Variants in MON2 observed in about 807,000 individuals in gnomAD.
MON2 encodes protein MON2 homolog.
MON2 carries 84 observed loss-of-function variants against 208.6 expected under a neutral mutation model. The observed-to-expected ratio is 0.40, with a 90% CI of 0.34 to 0.48. The LOEUF is 0.48. Among genes scored for constraint, MON2 ranks in the 20% least tolerant of loss-of-function variants. The pLI is 0.59. For missense variants in MON2, 1,611 were observed against 2,015.4 expected (o/e 0.80, Z 3.84); for synonymous variants, 660 against 694.0 (o/e 0.95, Z 0.77).
rs1202955950 is a variant in MON2 at position 62,600,120 on chromosome 12, T to G, written c.*7371T>G. On this transcript the variant is annotated 3_prime_UTR_variant, in exon 35 of 35. Transcript: ENST00000393630. ...ATTAACCTGTTTTGGTGTCCTCCTCTGTGAAATGGAGTTAATCGTGGTATT... is the reference window on the plus strand; with the variant it reads ...ATTAACCTGTTTTGGTGTCCTCCTCGGTGAAATGGAGTTAATCGTGGTATT... 6.6e-6 allele frequency: 1 copy of G among 152,224 alleles called. No homozygotes were observed. Among genetic ancestry groups the G allele is most frequent in the African/African-American group, 2.4e-5 (1 of 41,466 alleles). The allele number at this position is 152,224 out of a possible 1,614,324, so 9.4% of individuals were successfully genotyped here.
chr12:62,514,160 A>G (rs923969872), intron 8 of MON2, among the ~76,000 whole-genome samples: 3 of 152,190 alleles, frequency 2.0e-5, no homozygotes, highest in East Asian at 3.9e-4. Context: ...TTCATTTTCC[A>G]TGTCCTTATC....
intron 20 of MON2, 116 bp from the exon 21 acceptor site, chr12:62,544,782 C>A (rs2073409052): frequency 6.5e-7 from 1 of 1,539,998 alleles, no homozygotes; most frequent in Admixed American, 2.0e-5. Flanking sequence ...AGCTAACTTA[C>A]ATTTTGGGTG....
In MON2 at chr12:62,592,687, C is replaced by T. The variant is rs752059902; in HGVS notation, c.5092C>T (p.Leu1698=). The T allele has an allele frequency of 6.2e-7, 1 of 1,609,962 alleles. No individual in the cohort carries two copies. Among genetic ancestry groups the T allele is most frequent in the Non-Finnish European group, 8.5e-7 (1 of 1,177,078 alleles). ...SEVCSALKEA[L]VPFKDFMQPP... is the part of the protein sequence containing the mutation. ...AGTCTGTTCTGCACTTAAAGAGGCA[C>T]TAGTTCCTTTTAAGGATTTCATGCA... The change falls in exon 35 of 35, where the codon CTA becomes TTA. Residue 1698 remains leucine, a synonymous_variant. Transcript: ENST00000393630.
chr12:62,508,215 A>G (rs755832238), intron 7 of MON2, 71 bp from the exon 8 acceptor site: 8 of 1,173,336 alleles, frequency 6.8e-6, no homozygotes, highest in Non-Finnish European at 9.8e-6. Flanking sequence ...TCCTAGTGAG[A>G]CTGTGTTTTT....
chr12:62,542,796 T>C (rs941341031), intron 19 of MON2, among the ~76,000 whole-genome samples: 3 of 152,196 alleles, frequency 2.0e-5, no homozygotes, highest in Non-Finnish European at 4.4e-5. Context: ...AGAATGCTTC[T>C]TTCCTTCTGG....
At chr12:62,520,306 A>G (rs146557885) in intron 8 of MON2, among the ~76,000 whole-genome samples, 4 of 152,328 alleles carry the variant, frequency 2.6e-5, no homozygotes, top group South Asian at 2.1e-4. Flanking sequence ...TCACCACCAT[A>G]TATCAGAAGA....
At chr12:62,484,091 C>G in intron 1 of MON2, 79 bp from the exon 2 acceptor site, 1 of 1,018,526 alleles carries the variant, frequency 9.8e-7, no homozygotes, top group East Asian at 2.4e-5. Context: ...GATATTTTGT[C>G]TATCACATAT....
At chr12:62,583,033 C>G (rs2075059274) in intron 32 of MON2, among the ~76,000 whole-genome samples, 1 of 151,998 alleles carries the variant, frequency 6.6e-6, no homozygotes, top group South Asian at 2.1e-4. Context: ...ATAAAAGGAG[C>G]AGTAGAAAAA....
Position 62,501,601 on chromosome 12 carries a change from C to A in MON2, c.692C>A (p.Ala231Asp). The A allele has an allele frequency of 1.2e-6, 2 of 1,613,994 alleles. No homozygotes were observed. The highest frequency in any genetic ancestry group is 1.7e-6 in the Non-Finnish European group (2 of 1,179,892). The change falls in exon 7 of 35, where the codon GCT becomes GAT. Residue 231 changes from alanine (A) to aspartate (D), a missense_variant. Physicochemically the swap from Ala to Asp is moderately radical, Grantham distance 126. Transcript: ENST00000393630. ...CTTTGTCAGTTGGTTAATGCTGATG[C>A]TCCTTATTGGCTAGTGGGCATGACA... ...QDLCQLVNAD[A>D]PYWLVGMTEM...
At chr12:62,551,299 G>T (rs1162071394) in intron 23 of MON2, among the ~76,000 whole-genome samples, 1 of 152,106 alleles carries the variant, frequency 6.6e-6, no homozygotes, top group Non-Finnish European at 1.5e-5. Flanking sequence ...ACAGGTCATT[G>T]TAGGGTTATT....
At chr12:62,572,117 A>G (rs771867832) in intron 30 of MON2, among the ~76,000 whole-genome samples, 6 of 152,206 alleles carry the variant, frequency 3.9e-5, no homozygotes, top group Non-Finnish European at 8.8e-5. Flanking sequence ...TTTTGAATGA[A>G]GAATTTGCTG....
intron 8 of MON2, among the ~76,000 whole-genome samples, chr12:62,516,188 A>G (rs1033764885): frequency 1.3e-5 from 2 of 152,212 alleles, no homozygotes; most frequent in Non-Finnish European, 2.9e-5. Context: ...CAAACTTCAC[A>G]TGTTCTCACT....
In MON2 at chr12:62,470,503, C is replaced by CT. The variant is rs1417345448; in HGVS notation, c.111+3192dup. ...AAATCTTCATGTTTTAGCAGTATAA[C>CT]TTTTTTTAGTACAACTGTACTAGCT... On this transcript the variant is annotated intron_variant, in intron 1 of 34. Coordinates refer to ENST00000393630, the MANE Select transcript of MON2 (RefSeq NM_015026.3). Among the ~76,000 whole-genome samples the CT allele has an allele frequency of 8.5e-5, 13 of 152,112 alleles. No homozygotes were observed. In the East Asian group the frequency reaches 2.3e-3, roughly 27 times the overall value.
At chr12:62,468,993 G>C (rs1285284593) in intron 1 of MON2, among the ~76,000 whole-genome samples, 8 of 152,080 alleles carry the variant, frequency 5.3e-5, no homozygotes, top group Non-Finnish European at 1.0e-4. Flanking sequence ...CTGTGGCCCA[G>C]GCTGGAGTGC....
At chr12:62,530,707 G>A (rs1487158109) in intron 11 of MON2, among the ~76,000 whole-genome samples, 1 of 152,096 alleles carries the variant, frequency 6.6e-6, no homozygotes, top group Non-Finnish European at 1.5e-5. Context: ...TTGTCTGTAA[G>A]TTTTTGCATA....
At chr12:62,526,707 TTTC>T (rs2072348508) in intron 11 of MON2, among the ~76,000 whole-genome samples, 1 of 152,236 alleles carries the variant, frequency 6.6e-6, no homozygotes, top group Non-Finnish European at 1.5e-5. Context: ...TTACTGATTT[TTTC>T]TTAAGTCTTA....
At chr12:62,467,404 A>G in intron 1 of MON2, 86 bp downstream of exon 1, 1 of 1,113,950 alleles carries the variant, frequency 9.0e-7, no homozygotes, top group East Asian at 2.4e-5. Flanking sequence ...TTCCAGTCCT[A>G]ATTTTCATTC....
chr12:62,548,847 T>A (rs1022203595), intron 22 of MON2, among the ~76,000 whole-genome samples: 4 of 152,210 alleles, frequency 2.6e-5, no homozygotes, highest in African/African-American at 9.6e-5. Context: ...TTATCTTTAT[T>A]TGAAATTCAA....
chr12:62,534,542 A>AAT (rs71882879), intron 12 of MON2, among the ~76,000 whole-genome samples: 293 of 22,836 alleles, frequency 0.013, 9 homozygotes, highest in East Asian at 0.053. Context: ...AAAAAAAAAA[A>AAT]ATATATATAT....
Sources: allele counts gnomAD v4.1 joint callset (sites outside exome capture counted in the v4.1 genomes callset), GRCh38; gene constraint gnomAD v4.1.1; transcripts MANE v1.5; gene names NCBI Gene and HGNC (gene_info 2026-07-23, HGNC 2026-07-21).